Variants in KIAA1549 observed in about 807,000 individuals in gnomAD.
KIAA1549 encodes the protein KIAA1549, also known as UPF0606 protein KIAA1549.
KIAA1549 carries 70 observed loss-of-function variants against 156.4 expected under a neutral mutation model. The observed-to-expected ratio is 0.45, with a 90% confidence interval of 0.37 to 0.55. The LOEUF (loss-of-function observed/expected upper bound fraction) is 0.55, where lower values mean the gene tolerates loss of function less well. Among genes scored for constraint, KIAA1549 ranks in the 20% least tolerant of loss-of-function variants. The pLI is 0.00. For synonymous variants in KIAA1549, 1,103 were observed against 1,066.4 expected, an observed-to-expected ratio of 1.03 and a Z score of -0.67; for missense variants, 2,428 against 2,540.9, an observed-to-expected ratio of 0.96 and a Z score of 0.96.
intron 1 of KIAA1549, among the ~76,000 whole-genome samples, chr7:138,939,016 A>C (rs1438113781): frequency 6.6e-6 from 1 of 152,138 alleles, no homozygotes; most frequent in Non-Finnish European, 1.5e-5. Context: ...TCTGTCTCAA[A>C]AAAAAATTAA....
Position 138,864,446 on chromosome 7 carries a change from CCTT to C in KIAA1549, c.4930-2993_4930-2991del, listed in dbSNP as rs556828804. ...GGACACTTCCTCTTCCTGTCCTTCA[CCTT>C]CTTGTTTTCTCCTCATTTTGCAGGC... On this transcript the variant is annotated intron_variant, in intron 15 of 19. Coordinates refer to ENST00000422774, the MANE Select transcript of KIAA1549 (RefSeq NM_001164665.2). Among the ~76,000 whole-genome samples, 144 of 152,302 alleles carry C rather than the reference CCTT, an allele frequency of 9.5e-4. 1 individual carries two copies. The highest frequency in any genetic ancestry group is 3.4e-3 in the African/African-American group (142 of 41,568).
chr7:138,911,887 G>A (rs1812179900), intron 3 of KIAA1549, among the ~76,000 whole-genome samples: 1 of 152,206 alleles, frequency 6.6e-6, no homozygotes, highest in Non-Finnish European at 1.5e-5. Flanking sequence ...CGCCATGCGT[G>A]GGGCGCGGTT....
chr7:138,881,715 G>A, intron 10 of KIAA1549, 131 bp from the exon 11 acceptor site: 1 of 744,068 alleles, frequency 1.3e-6, no homozygotes, highest in Admixed American at 2.9e-5. Context: ...CTAGAACATG[G>A]ACTGCATGCC....
At chr7:138,958,888 T>C (rs959689092) in intron 1 of KIAA1549, among the ~76,000 whole-genome samples, 1 of 152,072 alleles carries the variant, frequency 6.6e-6, no homozygotes, top group African/African-American at 2.4e-5. Context: ...AAAGGTTTTT[T>C]TTTTGTTTTG....
intron 1 of KIAA1549, among the ~76,000 whole-genome samples, chr7:138,950,276 T>C (rs374962915): frequency 1.3e-5 from 2 of 152,304 alleles, no homozygotes; most frequent in South Asian, 4.2e-4. Flanking sequence ...TCAGAATATA[T>C]ATAAAATTTC....
chr7:138,879,569 G>T lies in KIAA1549; in HGVS notation c.4314C>A (p.Asn1438Lys), dbSNP rs370231729. ...DAGDKTPGAV[N>K]DGRSHRAPQS... Reference sequence around the variant, plus strand: ...GCGGAGCTCTGTGGGACCTGCCATCGTTGACGGCTCCCGGCGTCTTATCTC... The same window carrying T: ...GCGGAGCTCTGTGGGACCTGCCATCTTTGACGGCTCCCGGCGTCTTATCTC... Residue 1438 changes from asparagine (N) to lysine (K), a missense_variant, in exon 12 of 20, where the codon AAC (asparagine) becomes AAA (lysine). Physicochemically the swap from Asn to Lys is moderately conservative, Grantham distance 94. This residue lies in a region of KIAA1549 where 404 missense variants were observed against 417.0 expected (regional missense o/e 0.97). Coordinates refer to ENST00000422774, the MANE Select transcript of KIAA1549 (RefSeq NM_001164665.2). 2.6e-6 allele frequency: 4 copies of T among 1,567,940 alleles called. No homozygotes were observed. The highest frequency in any genetic ancestry group is 2.7e-5 in the African/African-American group (2 of 73,746).
chr7:138,928,716 T>G (rs1264375907), intron 1 of KIAA1549, among the ~76,000 whole-genome samples: 1 of 152,234 alleles, frequency 6.6e-6, no homozygotes, highest in African/African-American at 2.4e-5. Flanking sequence ...AAAAGTTATG[T>G]TTATACCATA....
rs1811191939 is a variant in KIAA1549, at chr7:138,879,773, C to CA, written c.4230-121dup. On this transcript the variant is annotated intron_variant, in intron 11 of 19. Transcript: ENST00000422774. Reference sequence around the variant, plus strand: ...CAAAACCAGCAGAAATGAAACGGTCCAAAAAATTATTCCATAGCACAGCGT... The same window carrying CA: ...CAAAACCAGCAGAAATGAAACGGTCCAAAAAAATTATTCCATAGCACAGCGT... The CA allele has an allele frequency of 3.1e-5, 20 of 646,116 alleles. No homozygotes were observed. The East Asian group carries it at 4.7e-4, about 15-fold the overall frequency. The allele number at this position is 646,116 out of a possible 1,614,324, so 40.0% of individuals were successfully genotyped here. A position where few individuals can be genotyped will look rare whatever the true frequency, so the allele number is the denominator to read the frequency against.
At chr7:138,894,633 G>A in intron 9 of KIAA1549, 107 bp from the exon 10 acceptor site, 2 of 1,049,908 alleles carry the variant, frequency 1.9e-6, no homozygotes, top group East Asian at 2.6e-5. Context: ...TCCAGCTCAA[G>A]ATAGCTGGTT....
rs374857127 is a variant in KIAA1549 at position 138,959,979 on chromosome 7, T to C, written c.187+21104A>G. 2.1e-4 allele frequency among the ~76,000 whole-genome samples: 32 copies of C among 152,264 alleles called. No homozygotes were observed. The East Asian group carries it at 2.3e-3, about 11-fold the overall frequency. On this transcript the variant is annotated intron_variant, in intron 1 of 19. Transcript: ENST00000422774. Reference sequence around the variant, plus strand: ...CCCTTAACACAAACAAGCTCTGAAATGTGTCGAAAAATTACTCCAAGATAG... The same window carrying C: ...CCCTTAACACAAACAAGCTCTGAAACGTGTCGAAAAATTACTCCAAGATAG...
chr7:138,922,699 G>A lies in KIAA1549; in HGVS notation c.188-3261C>T, dbSNP rs1005258822. 2.0e-5 allele frequency among the ~76,000 whole-genome samples: 3 copies of A among 151,860 alleles called. No individual in the cohort carries two copies. The South Asian group carries it at 6.2e-4, about 32-fold the overall frequency. On this transcript the variant is annotated intron_variant, in intron 1 of 19. Transcript: ENST00000422774. Reference sequence around the variant, plus strand: ...AGCTGAAACAAGATTTAGTGAACTGGGGGATAGGTCTGAAGAAATTACTCA... The same window carrying A: ...AGCTGAAACAAGATTTAGTGAACTGAGGGATAGGTCTGAAGAAATTACTCA...
At chr7:138,862,133 T>C (rs1027990258) in intron 15 of KIAA1549, among the ~76,000 whole-genome samples, 1 of 152,190 alleles carries the variant, frequency 6.6e-6, no homozygotes, top group African/African-American at 2.4e-5. Context: ...AAGTAGTCTA[T>C]TGACTATTAG....
intron 16 of KIAA1549, among the ~76,000 whole-genome samples, chr7:138,852,610 A>C (rs1810266803): frequency 6.6e-6 from 1 of 152,238 alleles, no homozygotes; most frequent in Non-Finnish European, 1.5e-5. Flanking sequence ...CTTCTGCTAA[A>C]AGGCCTCATA....
intron 8 of KIAA1549, among the ~76,000 whole-genome samples, chr7:138,902,552 G>A (rs1223205586): frequency 2.6e-5 from 4 of 152,212 alleles, no homozygotes; most frequent in Non-Finnish European, 4.4e-5. Flanking sequence ...AACTTTCTGT[G>A]AGTATGGGCA....
At chr7:138,932,635 T>A (rs1485397141) in intron 1 of KIAA1549, among the ~76,000 whole-genome samples, 1 of 152,092 alleles carries the variant, frequency 6.6e-6, no homozygotes, top group Non-Finnish European at 1.5e-5. Flanking sequence ...GAGAAATCAG[T>A]TATGAGGTCA....
At chr7:138,888,412 T>C (rs1308984210) in intron 10 of KIAA1549, among the ~76,000 whole-genome samples, 1 of 152,224 alleles carries the variant, frequency 6.6e-6, no homozygotes, top group Non-Finnish European at 1.5e-5. Flanking sequence ...TGTGTCCAGG[T>C]TGCTTGAATG....
rs1584772278 is a variant in KIAA1549 at position 138,940,420 on chromosome 7, G to C, written c.188-20982C>G. The stretch of plus-strand genomic sequence containing the variant: ...TTCTTAATCCAGTCTATCGTTGTTG[G>C]ACATTTGGGTTGGTTCCAAGTCTTT... On this transcript the variant is annotated intron_variant, in intron 1 of 19. Coordinates refer to ENST00000422774, the MANE Select transcript of KIAA1549 (RefSeq NM_001164665.2). Among the ~76,000 whole-genome samples the C allele has an allele frequency of 2.7e-5, 4 of 149,840 alleles. No individual in the cohort carries two copies. The South Asian group carries it at 9.1e-4, about 34-fold the overall frequency.
At chr7:138,886,353 C>T (rs11765808) in intron 10 of KIAA1549, among the ~76,000 whole-genome samples, 45,518 of 151,986 alleles carry the variant, frequency 0.3, 7,301 homozygotes, top group Middle Eastern at 0.41. Flanking sequence ...CAGCTCACTG[C>T]AGCCTCAATC....
intron 1 of KIAA1549, among the ~76,000 whole-genome samples, 191 bp from the exon 2 acceptor site, chr7:138,919,629 C>T (rs963213735): frequency 6.6e-6 from 1 of 152,094 alleles, no homozygotes; most frequent in African/African-American, 2.4e-5. Context: ...ACAATATCTG[C>T]AAATATTCCT....
Sources: allele counts gnomAD v4.1 joint callset (sites outside exome capture counted in the v4.1 genomes callset), GRCh38; gene constraint gnomAD v4.1.1; regional missense constraint gnomAD v4.1.1; transcripts MANE v1.5; gene names NCBI Gene and HGNC (gene_info 2026-07-23, HGNC 2026-07-21).